The following HS6ST3 variants were observed in gnomAD, a reference collection of about 807,000 sequenced individuals.
HS6ST3 encodes heparan-sulfate 6-O-sulfotransferase 3.
Under a neutral mutation model 36.7 loss-of-function variants are expected in HS6ST3, and 12 were observed. The observed-to-expected ratio is 0.33, with a 90% CI of 0.21 to 0.53. The LOEUF is 0.53. HS6ST3 is among the 20% of genes least tolerant of loss of function. The pLI is 0.95. For missense variants in HS6ST3, 584 were observed against 640.9 expected (o/e 0.91, Z 0.96); for synonymous variants, 240 against 257.5 (o/e 0.93, Z 0.65).
intron 1 of HS6ST3, among the ~76,000 whole-genome samples, chr13:96,415,336 C>T (rs528224889): frequency 1.3e-5 from 2 of 152,182 alleles, no homozygotes; most frequent in South Asian, 4.2e-4. Flanking sequence ...CCAAGTCGTG[C>T]TGATGAAAGG....
intron 1 of HS6ST3, among the ~76,000 whole-genome samples, chr13:96,620,289 A>C (rs1403106932): frequency 6.6e-6 from 1 of 152,180 alleles, no homozygotes; most frequent in Non-Finnish European, 1.5e-5. Flanking sequence ...AAGAAAATTG[A>C]CTGTTTTTTA....
chr13:96,805,799 C>T lies in HS6ST3; in HGVS notation c.708-26691C>T, dbSNP rs555656330. Among the ~76,000 whole-genome samples, 6 of 152,224 alleles carry T rather than the reference C, an allele frequency of 3.9e-5. No homozygotes were observed. In the South Asian group the frequency reaches 1.0e-3, roughly 26 times the overall value. On this transcript the variant is annotated intron_variant, in intron 1 of 1. Coordinates refer to ENST00000376705, the MANE Select transcript of HS6ST3 (RefSeq NM_153456.4). ...CAATGCAATTTAGTGACCAATATCC[C>T]CCAAAATATTTTTATGGTGAAACTG...
chr13:96,648,361 G>C (rs915554577), intron 1 of HS6ST3, among the ~76,000 whole-genome samples: 2 of 151,924 alleles, frequency 1.3e-5, no homozygotes, highest in Non-Finnish European at 2.9e-5. Flanking sequence ...AATCTCTTGA[G>C]TGCCTCTGGA....
At chr13:96,601,511 G>C (rs1405486080) in intron 1 of HS6ST3, among the ~76,000 whole-genome samples, 1 of 151,598 alleles carries the variant, frequency 6.6e-6, no homozygotes, top group Non-Finnish European at 1.5e-5. Context: ...TTTCTTATTT[G>C]TATCCTGAAT....
intron 1 of HS6ST3, among the ~76,000 whole-genome samples, chr13:96,258,203 C>T (rs1020879873): frequency 5.3e-5 from 8 of 152,046 alleles, no homozygotes; most frequent in Non-Finnish European, 1.0e-4. Context: ...TTAAATGAAA[C>T]AGGAAAATGG....
chr13:96,139,405 A>G (rs890019870), intron 1 of HS6ST3, among the ~76,000 whole-genome samples: 1 of 151,980 alleles, frequency 6.6e-6, no homozygotes, highest in East Asian at 1.9e-4. Context: ...ATAACCCTAC[A>G]TCCCTGTTAT....
chr13:96,502,147 G>C (rs190346524), intron 1 of HS6ST3, among the ~76,000 whole-genome samples: 9 of 152,302 alleles, frequency 5.9e-5, no homozygotes, highest in African/African-American at 2.2e-4. Flanking sequence ...AGGTGGCACT[G>C]TTCAGTTGTC....
intron 1 of HS6ST3, among the ~76,000 whole-genome samples, chr13:96,281,052 G>A (rs1321541854): frequency 6.6e-6 from 1 of 151,948 alleles, no homozygotes; most frequent in Admixed American, 6.6e-5. Flanking sequence ...CTATCACTAG[G>A]CTGGAGTGCA....
intron 1 of HS6ST3, among the ~76,000 whole-genome samples, chr13:96,713,082 T>C (rs1043193932): frequency 1.2e-4 from 18 of 152,344 alleles, no homozygotes; most frequent in Middle Eastern, 3.4e-3. Flanking sequence ...ATGTCATCTT[T>C]TTCTGTGCTA....
At chr13:96,383,294 A>C (rs1346340161) in intron 1 of HS6ST3, among the ~76,000 whole-genome samples, 1 of 152,150 alleles carries the variant, frequency 6.6e-6, no homozygotes, top group Non-Finnish European at 1.5e-5. Flanking sequence ...TCTACTAAAC[A>C]CACACAAAAA....
At chr13:96,201,164 C>T (rs762681971) in intron 1 of HS6ST3, among the ~76,000 whole-genome samples, 16 of 152,118 alleles carry the variant, frequency 1.1e-4, no homozygotes, top group South Asian at 4.1e-4. Context: ...GAATTTCTGA[C>T]GATAGGGGCT....
chr13:96,711,693 A>G (rs1875566059), intron 1 of HS6ST3, among the ~76,000 whole-genome samples: 1 of 152,170 alleles, frequency 6.6e-6, no homozygotes, highest in Non-Finnish European at 1.5e-5. Context: ...GCATCTGCAT[A>G]TCCATAGGAC....
At chr13:96,308,796 A>G (rs528520106) in intron 1 of HS6ST3, among the ~76,000 whole-genome samples, 1 of 152,202 alleles carries the variant, frequency 6.6e-6, no homozygotes, top group African/African-American at 2.4e-5. Flanking sequence ...GGAAGCAAAG[A>G]TTCTATCCAT....
At chr13:96,322,948 G>A (rs774495146) in intron 1 of HS6ST3, among the ~76,000 whole-genome samples, 3 of 152,048 alleles carry the variant, frequency 2.0e-5, no homozygotes, top group South Asian at 4.1e-4. Context: ...CACTGTGCCC[G>A]CCTGGTGTGC....
chr13:96,462,608 G>C (rs1220176544), intron 1 of HS6ST3, among the ~76,000 whole-genome samples: 1 of 152,102 alleles, frequency 6.6e-6, no homozygotes, highest in Non-Finnish European at 1.5e-5. Flanking sequence ...TTATTATACA[G>C]GAGATTTCAG....
intron 1 of HS6ST3, chr13:96,574,420 C>T (rs1177290014): frequency 9.7e-6 from 5 of 515,024 alleles, no homozygotes; most frequent in African/African-American, 2.0e-5. Flanking sequence ...AGGTGACAAT[C>T]AGTTTTGCAG....
At chr13:96,778,560 A>G (rs1877450678) in intron 1 of HS6ST3, among the ~76,000 whole-genome samples, 1 of 152,248 alleles carries the variant, frequency 6.6e-6, no homozygotes, top group South Asian at 2.1e-4. Flanking sequence ...GCCAACAAAC[A>G]TTTGAAAAAA....
intron 1 of HS6ST3, among the ~76,000 whole-genome samples, chr13:96,705,064 C>T (rs1223758996): frequency 1.3e-5 from 2 of 152,192 alleles, no homozygotes. Flanking sequence ...GCCTCCCTCA[C>T]TATTGACATC....
intron 1 of HS6ST3, among the ~76,000 whole-genome samples, chr13:96,591,707 G>A (rs1426213382): frequency 6.6e-6 from 1 of 151,928 alleles, no homozygotes; most frequent in Non-Finnish European, 1.5e-5. Context: ...TTGTCCGATT[G>A]CTCTAGCTAG....
Sources: gnomAD v4.1 joint callset for allele counts (sites outside exome capture counted in the v4.1 genomes callset) on GRCh38, gnomAD v4.1.1 for gene constraint, MANE v1.5 for transcripts, NCBI Gene and HGNC (gene_info 2026-07-23, HGNC 2026-07-21) for gene names.